Variants in SRBD1 observed in about 807,000 individuals in gnomAD.
SRBD1 encodes the protein S1 RNA binding domain 1.
A neutral mutation model predicts 115.3 loss-of-function variants in SRBD1; 88 were observed. The ratio of observed to expected loss-of-function variants is 0.76; its 90% CI spans 0.64 to 0.91. The LOEUF is 0.91. SRBD1 is among the 40% of genes least tolerant of loss of function. SRBD1 has a pLI of 0.00. For synonymous variants in SRBD1, 509 were observed against 407.7 expected (o/e 1.25, Z -2.99); for missense variants, 1,385 against 1,177.4 (o/e 1.18, Z -2.58).
At chr2:45,514,839 C>G (rs1671072591) in intron 14 of SRBD1, among the ~76,000 whole-genome samples, 1 of 152,154 alleles carries the variant, frequency 6.6e-6, no homozygotes, top group South Asian at 2.1e-4. Flanking sequence ...TTACTAACAA[C>G]TTCCTTATAC....
chr2:45,523,353 T>C (rs907010531), intron 14 of SRBD1, among the ~76,000 whole-genome samples: 1 of 142,022 alleles, frequency 7.0e-6, no homozygotes, highest in African/African-American at 2.6e-5. Flanking sequence ...CAGAACTTAA[T>C]AAAACAAAGA....
Position 45,528,659 on chromosome 2 carries a change from G to A in SRBD1, c.1874+18073C>T, listed in dbSNP as rs79562551. Among the ~76,000 whole-genome samples the A allele has an allele frequency of 9.3e-4, 142 of 151,894 alleles. 3 individuals are homozygous for A. The East Asian group carries it at 0.011, about 12-fold the overall frequency. On this transcript the variant is annotated intron_variant, in intron 14 of 20. Coordinates refer to ENST00000263736, the MANE Select transcript of SRBD1 (RefSeq NM_018079.5). ...TATGTAGACTTAGAACCCACAAGAT[G>A]CAAAAGATGAAGCTCCAGAAGTGGA...
At chr2:45,490,524 T>C (rs1670260795) in intron 14 of SRBD1, among the ~76,000 whole-genome samples, 1 of 152,198 alleles carries the variant, frequency 6.6e-6, no homozygotes, top group Admixed American at 6.5e-5. Context: ...ATCCATGAAG[T>C]ACAGGCTAGA....
chr2:45,595,778 A>G (rs1175021733), intron 4 of SRBD1, among the ~76,000 whole-genome samples: 2 of 152,226 alleles, frequency 1.3e-5, no homozygotes, highest in African/African-American at 4.8e-5. Flanking sequence ...GATAATTGCA[A>G]CTGGTTAAAT....
At chr2:45,547,709 G>T in intron 12 of SRBD1, 97 bp from the exon 13 acceptor site, 1 of 986,824 alleles carries the variant, frequency 1.0e-6, no homozygotes, top group Non-Finnish European at 1.5e-6. Context: ...AAAGGAGACT[G>T]GCTTGTTTTT....
chr2:45,460,174 C>G (rs1669271187), intron 16 of SRBD1, among the ~76,000 whole-genome samples: 1 of 152,144 alleles, frequency 6.6e-6, no homozygotes, highest in Non-Finnish European at 1.5e-5. Flanking sequence ...GATCATCTAG[C>G]TGACTGGGCT....
At chr2:45,426,536 C>T (rs1312546918) in intron 16 of SRBD1, among the ~76,000 whole-genome samples, 1 of 152,186 alleles carries the variant, frequency 6.6e-6, no homozygotes, top group Admixed American at 6.5e-5. Context: ...GGGTTCCTGA[C>T]CCCCATGCCT....
intron 16 of SRBD1, among the ~76,000 whole-genome samples, chr2:45,455,384 G>T (rs1225461086): frequency 6.6e-6 from 1 of 151,808 alleles, no homozygotes; most frequent in Non-Finnish European, 1.5e-5. Flanking sequence ...GTAGATTTAG[G>T]AATAGAGTTT....
intron 17 of SRBD1, 96 bp from the exon 18 acceptor site, chr2:45,418,637 T>C: frequency 2.8e-6 from 3 of 1,056,938 alleles, no homozygotes; most frequent in Non-Finnish European, 3.8e-6. Flanking sequence ...CAATGACATA[T>C]CCTCATACGG....
At chr2:45,550,689 G>T (rs1002474480) in intron 12 of SRBD1, among the ~76,000 whole-genome samples, 1 of 151,992 alleles carries the variant, frequency 6.6e-6, no homozygotes, top group African/African-American at 2.4e-5. Context: ...GATCTCAAAT[G>T]GAAGCACGGA....
At chr2:45,427,253 C>T (rs913147140) in intron 16 of SRBD1, among the ~76,000 whole-genome samples, 4 of 151,872 alleles carry the variant, frequency 2.6e-5, no homozygotes, top group Non-Finnish European at 2.9e-5. Flanking sequence ...TATCAATAGC[C>T]GAATCGATCA....
chr2:45,556,891 G>A (rs976471111), intron 10 of SRBD1, among the ~76,000 whole-genome samples: 4 of 152,026 alleles, frequency 2.6e-5, no homozygotes, highest in African/African-American at 9.7e-5. Flanking sequence ...GACTTATAAT[G>A]GTGCCTAATA....
intron 14 of SRBD1, among the ~76,000 whole-genome samples, chr2:45,497,894 C>T (rs987154449): frequency 7.9e-5 from 12 of 152,048 alleles, no homozygotes; most frequent in African/African-American, 2.9e-4. Context: ...ATCAGCCCGG[C>T]ATGGTGACAT....
chr2:45,475,279 T>A (rs965568520), intron 16 of SRBD1, among the ~76,000 whole-genome samples: 5 of 152,140 alleles, frequency 3.3e-5, no homozygotes, highest in African/African-American at 1.2e-4. Flanking sequence ...TTACTGCCAT[T>A]AACTTTGTCC....
intron 14 of SRBD1, among the ~76,000 whole-genome samples, chr2:45,529,994 T>C (rs2103979387): frequency 6.6e-6 from 1 of 152,086 alleles, no homozygotes; most frequent in East Asian, 1.9e-4. Flanking sequence ...AATATGACAA[T>C]GGCAATGATG....
chr2:45,575,324 T>C (rs1673143760), intron 7 of SRBD1, among the ~76,000 whole-genome samples: 1 of 152,228 alleles, frequency 6.6e-6, no homozygotes, highest in Admixed American at 6.5e-5. Flanking sequence ...CAGATGAGCA[T>C]TAAGTTCTCT....
chr2:45,439,602 G>T (rs1668599862), intron 16 of SRBD1, among the ~76,000 whole-genome samples: 1 of 151,728 alleles, frequency 6.6e-6, no homozygotes, highest in South Asian at 2.1e-4. Context: ...AAATAAGGCA[G>T]AAAAGGAACA....
rs543337786 is a variant in SRBD1 at position 45,448,321 on chromosome 2, A to G, written c.2050-28427T>C. Among the ~76,000 whole-genome samples the G allele has an allele frequency of 6.1e-4, 93 of 152,322 alleles. 1 individual carries two copies. Among genetic ancestry groups the G allele is most frequent in the African/African-American group, 2.2e-3 (92 of 41,582 alleles). ...AATTATTAGAACTAGATAGAATAAT[A>G]TATTTTATTATAAACTGGGTACTAC... is the stretch of plus-strand genomic sequence containing the variant. On this transcript the variant is annotated intron_variant, in intron 16 of 20. Coordinates refer to ENST00000263736, the MANE Select transcript of SRBD1 (RefSeq NM_018079.5).
At chr2:45,390,967 A>C (rs1666980572) in intron 20 of SRBD1, among the ~76,000 whole-genome samples, 1 of 152,182 alleles carries the variant, frequency 6.6e-6, no homozygotes, top group South Asian at 2.1e-4. Flanking sequence ...CACCAGGCTA[A>C]GGCTGTGTCA....
Sources: allele counts gnomAD v4.1 joint callset (sites outside exome capture counted in the v4.1 genomes callset), GRCh38; gene constraint gnomAD v4.1.1; transcripts MANE v1.5; gene names NCBI Gene and HGNC (gene_info 2026-07-23, HGNC 2026-07-21).